ALDH1A2: variants seen among roughly 807,000 people sequenced by gnomAD.
The protein encoded by ALDH1A2 is aldehyde dehydrogenase 1 family member A2, also known as retinal dehydrogenase 2.
Under a neutral mutation model 60.3 loss-of-function variants are expected in ALDH1A2, and 27 were observed. That is an observed-to-expected ratio of 0.45 (90% CI 0.33 to 0.62). ALDH1A2 has a LOEUF of 0.62. ALDH1A2 is among the 20% of genes least tolerant of loss of function. ALDH1A2 has a pLI of 0.02. For missense variants in ALDH1A2, 581 were observed against 643.8 expected (o/e 0.90, Z 1.06); for synonymous variants, 289 against 232.4 (o/e 1.24, Z -2.21).
intron 4 of ALDH1A2, among the ~76,000 whole-genome samples, chr15:58,004,704 C>CGT (rs1555402505): frequency 3.0e-4 from 45 of 147,580 alleles, no homozygotes; most frequent in African/African-American, 1.1e-3. Flanking sequence ...TGTGTGTGTG[C>CGT]GTGTGTGTGT....
chr15:57,962,024 A>C lies in ALDH1A2; in HGVS notation c.1239T>G (p.Ile413Met). The change falls in exon 10 of 13, where the codon ATT becomes ATG. Residue 413 changes from isoleucine to methionine, a missense_variant. Ile to Met is a conservative substitution (Grantham distance 10, BLOSUM62 1). Transcript: ENST00000249750. The stretch of plus-strand genomic sequence containing the variant: ...GCATATTTGATACCTCCTCCTTGGC[A>C]ATCCGCATATCATCAGTGACGTTGG... Reference protein sequence around the residue: ...VFSNVTDDMRIAKEEIFGPVQ... With the variant: ...VFSNVTDDMRMAKEEIFGPVQ... 6.2e-7 allele frequency: 1 copy of C among 1,614,170 alleles called. No individual in the cohort carries two copies. Among genetic ancestry groups the C allele is most frequent in the Non-Finnish European group, 8.5e-7 (1 of 1,180,006 alleles).
chr15:58,051,048 A>G (rs188671098), intron 1 of ALDH1A2, among the ~76,000 whole-genome samples: 30 of 152,274 alleles, frequency 2.0e-4, no homozygotes, highest in Non-Finnish European at 3.7e-4. Context: ...TCATTTTTAC[A>G]TATCTGTTGA....
intron 1 of ALDH1A2, among the ~76,000 whole-genome samples, chr15:58,034,380 T>A (rs185997718): frequency 2.6e-5 from 4 of 151,650 alleles, no homozygotes; most frequent in Admixed American, 2.0e-4. Flanking sequence ...TGGAGGGGGA[T>A]TGATTCTTAA....
chr15:58,006,312 A>G (rs2140508804), intron 4 of ALDH1A2, among the ~76,000 whole-genome samples: 1 of 152,116 alleles, frequency 6.6e-6, no homozygotes, highest in East Asian at 1.9e-4. Flanking sequence ...AATGGCCTCC[A>G]GCTCCATTCA....
intron 7 of ALDH1A2, among the ~76,000 whole-genome samples, chr15:57,971,527 G>T (rs1894066220): frequency 6.6e-6 from 1 of 152,064 alleles, no homozygotes; most frequent in South Asian, 2.1e-4. Flanking sequence ...CTGAGTTCAA[G>T]CAATCCTCCC....
intron 1 of ALDH1A2, among the ~76,000 whole-genome samples, chr15:58,014,957 G>C (rs1463301075): frequency 6.6e-6 from 1 of 152,128 alleles, no homozygotes; most frequent in Non-Finnish European, 1.5e-5. Flanking sequence ...GTATGAAATT[G>C]AGATTAAAAT....
At chr15:57,973,088 T>C (rs559129571) in intron 7 of ALDH1A2, among the ~76,000 whole-genome samples, 21 of 152,232 alleles carry the variant, frequency 1.4e-4, no homozygotes, top group Non-Finnish European at 2.8e-4. Flanking sequence ...TGGACTCTGC[T>C]GTAGTTTGCT....
intron 1 of ALDH1A2, among the ~76,000 whole-genome samples, chr15:58,057,829 G>T (rs1236726964): frequency 1.3e-5 from 2 of 152,054 alleles, no homozygotes; most frequent in African/African-American, 4.8e-5. Flanking sequence ...TACACAAAAG[G>T]CCTTAATAAA....
chr15:58,003,605 C>A (rs887441360), intron 4 of ALDH1A2, among the ~76,000 whole-genome samples: 1 of 151,834 alleles, frequency 6.6e-6, no homozygotes, highest in Non-Finnish European at 1.5e-5. Context: ...AAAATCAACA[C>A]TTGCTACAGA....
At chr15:58,043,394 C>T (rs1383418496) in intron 1 of ALDH1A2, among the ~76,000 whole-genome samples, 4 of 151,984 alleles carry the variant, frequency 2.6e-5, no homozygotes, top group Admixed American at 2.6e-4. Context: ...GGATATAGAA[C>T]ACATGTGGCC....
chr15:58,017,564 T>C (rs1275078859), intron 1 of ALDH1A2, among the ~76,000 whole-genome samples: 2 of 152,186 alleles, frequency 1.3e-5, no homozygotes, highest in Non-Finnish European at 1.5e-5. Flanking sequence ...GAGATAATGA[T>C]GAGCTATAAC....
intron 4 of ALDH1A2, among the ~76,000 whole-genome samples, chr15:58,002,089 C>T (rs934477661): frequency 4.6e-5 from 7 of 151,858 alleles, no homozygotes; most frequent in South Asian, 2.1e-4. Context: ...GGTAACTTTT[C>T]TGATGAGTTT....
At chr15:57,996,985 T>C (rs1895085594) in intron 4 of ALDH1A2, among the ~76,000 whole-genome samples, 1 of 152,054 alleles carries the variant, frequency 6.6e-6, no homozygotes, top group Admixed American at 6.6e-5. Context: ...TTAAGGAAAT[T>C]AGGCCTCTGT....
intron 12 of ALDH1A2, among the ~76,000 whole-genome samples, chr15:57,957,866 T>G (rs1327307667): frequency 1.3e-5 from 2 of 151,268 alleles, no homozygotes; most frequent in East Asian, 3.9e-4. Flanking sequence ...CGGAGTAAAG[T>G]CTCCAGACCA....
At position 57,961,244 on chromosome 15, in the gene ALDH1A2, A is replaced by G; in HGVS notation, c.1302T>C (p.Val434=). 1 of 1,614,124 alleles carries G rather than the reference A, an allele frequency of 6.2e-7. No individual in the cohort carries two copies. The highest frequency in any genetic ancestry group is 1.3e-5 in the African/African-American group (1 of 75,048). The part of the protein sequence containing the change: ...EILRFKTMDE[V]IERANNSDFG... ...AGTCTGAGTTATTGGCTCTTTCGAT[A>G]ACTTCATCCATCGTCTTAAATCTCA... The change falls in exon 11 of 13, where the codon GTT becomes GTC. Residue 434 remains valine, a synonymous_variant. Coordinates refer to ENST00000249750, the MANE Select transcript of ALDH1A2 (RefSeq NM_003888.4).
intron 1 of ALDH1A2, among the ~76,000 whole-genome samples, chr15:58,050,084 T>C (rs563864612): frequency 4.9e-4 from 74 of 152,164 alleles, no homozygotes; most frequent in African/African-American, 1.6e-3. Flanking sequence ...CTTATCTCAA[T>C]GTTTTTGTTT....
intron 1 of ALDH1A2, among the ~76,000 whole-genome samples, chr15:58,060,304 A>T (rs1261555849): frequency 6.6e-6 from 1 of 152,174 alleles, no homozygotes; most frequent in African/African-American, 2.4e-5. Context: ...ATCACTTTGC[A>T]AAAATGCAAT....
At chr15:57,984,337 A>ATACTT (rs1304767271) in intron 7 of ALDH1A2, among the ~76,000 whole-genome samples, 1 of 152,230 alleles carries the variant, frequency 6.6e-6, no homozygotes, top group Non-Finnish European at 1.5e-5. Context: ...AAAGCCTTTA[A>ATACTT]TACTTTGTAA....
chr15:57,957,933 C>CACCGGAAGGCAGGTTGCTTTCAAGG (rs1893586207), intron 12 of ALDH1A2, among the ~76,000 whole-genome samples: 1 of 152,088 alleles, frequency 6.6e-6, no homozygotes, highest in Admixed American at 6.5e-5. Flanking sequence ...GGGAGCGGGT[C>CACCGGAAGGCAGGTTGCTTTCAAGG]ACCGGAAGGC....
Sources: allele counts gnomAD v4.1 joint callset (sites outside exome capture counted in the v4.1 genomes callset), GRCh38; gene constraint gnomAD v4.1.1; transcripts MANE v1.5; gene names NCBI Gene and HGNC (gene_info 2026-07-23, HGNC 2026-07-21).